The following GULP1 variants were observed in gnomAD, a reference collection of about 807,000 sequenced individuals.
GULP1 encodes PTB domain-containing engulfment adapter protein 1.
A neutral mutation model predicts 40.9 loss-of-function variants in GULP1; 19 were observed. That is an observed-to-expected ratio of 0.46 (90% CI 0.32 to 0.68). GULP1 has a LOEUF of 0.68. Among genes scored for constraint, GULP1 ranks in the 30% least tolerant of loss-of-function variants. The pLI is 0.03. For missense variants in GULP1, 312 were observed against 362.2 expected (o/e 0.86, Z 1.12); for synonymous variants, 119 against 117.6 (o/e 1.01, Z -0.08).
chr2:188,467,529 A>G (rs1009226040), intron 2 of GULP1, among the ~76,000 whole-genome samples: 1 of 151,900 alleles, frequency 6.6e-6, no homozygotes, highest in Non-Finnish European at 1.5e-5. Context: ...ACTTTTTTGT[A>G]GTCATCTAGG....
chr2:188,560,937 C>T (rs7422239), intron 7 of GULP1, among the ~76,000 whole-genome samples: 102,414 of 152,096 alleles, frequency 0.67, 35,295 homozygotes, highest in East Asian at 0.91. Context: ...GAAATTCACC[C>T]CCATGATCCA....
chr2:188,594,152 T>G lies in GULP1; in HGVS notation c.*141T>G, dbSNP rs1188296663. On this transcript the variant is annotated 3_prime_UTR_variant, in exon 12 of 12. Transcript: ENST00000409830. ...ATTTTGAAAATTTTCTCAGTTAAAT[T>G]TCCTCACCTTCACTATTGATCTGTA... 1 of 510,362 alleles carries G rather than the reference T, an allele frequency of 2.0e-6. No individual in the cohort carries two copies. Among genetic ancestry groups the G allele is most frequent in the African/African-American group, 1.9e-5 (1 of 52,160 alleles). 31.6% of individuals were successfully genotyped at this position (510,362 alleles called of 1,614,324 possible).
At chr2:188,465,488 T>A (rs557528316) in intron 2 of GULP1, among the ~76,000 whole-genome samples, 4 of 152,114 alleles carry the variant, frequency 2.6e-5, no homozygotes, top group African/African-American at 9.6e-5. Context: ...GGAAAGGTGA[T>A]GCCAGCAGTC....
chr2:188,497,660 C>G (rs1263117138), intron 4 of GULP1, among the ~76,000 whole-genome samples: 1 of 151,958 alleles, frequency 6.6e-6, no homozygotes, highest in Non-Finnish European at 1.5e-5. Context: ...TCAGCATATA[C>G]TAGGTGCAGA....
chr2:188,543,621 T>G (rs1439654246), intron 7 of GULP1, among the ~76,000 whole-genome samples: 1 of 152,164 alleles, frequency 6.6e-6, no homozygotes, highest in Non-Finnish European at 1.5e-5. Context: ...AAATGGGAAA[T>G]AAGTTATGGC....
chr2:188,459,272 C>A (rs2059513532), intron 2 of GULP1, among the ~76,000 whole-genome samples: 1 of 152,104 alleles, frequency 6.6e-6, no homozygotes, highest in Non-Finnish European at 1.5e-5. Context: ...AACTTCCAAA[C>A]TGTTCTCCAT....
intron 2 of GULP1, among the ~76,000 whole-genome samples, chr2:188,453,721 C>A (rs1037504850): frequency 2.0e-5 from 3 of 152,148 alleles, no homozygotes; most frequent in African/African-American, 7.2e-5. Context: ...GAAAGGATTG[C>A]CCTTACTCAA....
chr2:188,506,035 AT>A (rs976056204), intron 4 of GULP1, among the ~76,000 whole-genome samples: 51 of 152,024 alleles, frequency 3.4e-4, no homozygotes, highest in African/African-American at 1.2e-3. Flanking sequence ...ACTTTATTAA[AT>A]TTAGGAAAGA....
chr2:188,378,585 A>T (rs966236494), intron 1 of GULP1, among the ~76,000 whole-genome samples: 1 of 152,104 alleles, frequency 6.6e-6, no homozygotes, highest in African/African-American at 2.4e-5. Context: ...GGCTGTTTAA[A>T]CTCGTGGCAG....
chr2:188,586,765 G>A (rs1350543956), intron 10 of GULP1, among the ~76,000 whole-genome samples: 1 of 151,862 alleles, frequency 6.6e-6, no homozygotes, highest in African/African-American at 2.4e-5. Flanking sequence ...CAAGAATCTG[G>A]GAAAAAACAT....
In GULP1 at chr2:188,369,584, T is replaced by C. The variant is rs535948286; in HGVS notation, c.-171-14179T>C. On this transcript the variant is annotated intron_variant, in intron 1 of 11. Transcript: ENST00000409830. ...TAGTGACAGAGTTGATCCTCTGCCA[T>C]TGGGATGACAGCTCCCTCTGTCATA... Among the ~76,000 whole-genome samples, 5 of 152,144 alleles carry C rather than the reference T, an allele frequency of 3.3e-5. No individual in the cohort carries two copies. In the East Asian group the frequency reaches 5.8e-4, roughly 18 times the overall value.
chr2:188,376,151 G>A (rs184413524), intron 1 of GULP1, among the ~76,000 whole-genome samples: 2 of 152,136 alleles, frequency 1.3e-5, no homozygotes, highest in East Asian at 1.9e-4. Flanking sequence ...TTGTTTAAGG[G>A]TTAACTGTAT....
intron 7 of GULP1, among the ~76,000 whole-genome samples, chr2:188,559,938 T>C (rs1695817141): frequency 6.6e-6 from 1 of 152,188 alleles, no homozygotes; most frequent in Non-Finnish European, 1.5e-5. Flanking sequence ...CCTCATTTTG[T>C]CTGGTCACTG....
chr2:188,345,750 A>C (rs1409271552), intron 1 of GULP1, among the ~76,000 whole-genome samples: 1 of 152,244 alleles, frequency 6.6e-6, no homozygotes, highest in Non-Finnish European at 1.5e-5. Context: ...ATGCAAGTGC[A>C]TTTATAAAGA....
At position 188,584,404 on chromosome 2, in the gene GULP1, G is replaced by A; in HGVS notation, c.748+1G>A. ...GTACCTAGTAGATCTACTGAGATTA[G>A]TAAGCTTTCTCAACAAATCAAAGTT... is the stretch of plus-strand genomic sequence containing the variant. On this transcript the variant is annotated splice_donor_variant, in intron 10 of 11. Coordinates refer to ENST00000409830, the MANE Select transcript of GULP1 (RefSeq NM_016315.4). LOFTEE classifies it high-confidence loss of function. 1 of 1,558,284 alleles carries A rather than the reference G, an allele frequency of 6.4e-7. No homozygotes were observed. The highest frequency in any genetic ancestry group is 8.7e-7 in the Non-Finnish European group (1 of 1,143,790).
chr2:188,561,932 C>T (rs1407811095), intron 7 of GULP1, among the ~76,000 whole-genome samples: 3 of 152,276 alleles, frequency 2.0e-5, no homozygotes, highest in Admixed American at 1.3e-4. Flanking sequence ...CAGTCACATC[C>T]CATTCTCAGT....
intron 4 of GULP1, among the ~76,000 whole-genome samples, chr2:188,520,040 T>C (rs2065584200): frequency 6.6e-6 from 1 of 152,142 alleles, no homozygotes; most frequent in Admixed American, 6.6e-5. Flanking sequence ...GACAGCTCCA[T>C]TGGTGTCAGG....
intron 2 of GULP1, among the ~76,000 whole-genome samples, chr2:188,455,576 G>A (rs2059192945): frequency 6.6e-6 from 1 of 152,168 alleles, no homozygotes; most frequent in Admixed American, 6.5e-5. Flanking sequence ...CAGCCATGTG[G>A]AACTGTGAGT....
intron 7 of GULP1, among the ~76,000 whole-genome samples, chr2:188,546,881 C>G (rs1692104688): frequency 6.6e-6 from 1 of 151,958 alleles, no homozygotes; most frequent in Non-Finnish European, 1.5e-5. Flanking sequence ...TCACTACAGA[C>G]TCTCTGAATA....
Sources: gnomAD v4.1 joint callset for allele counts (sites outside exome capture counted in the v4.1 genomes callset) on GRCh38, gnomAD v4.1.1 for gene constraint, MANE v1.5 for transcripts, NCBI Gene and HGNC (gene_info 2026-07-23, HGNC 2026-07-21) for gene names.